Variants in MAF observed in about 807,000 individuals in gnomAD.
The protein encoded by MAF is MAF bZIP transcription factor.
In MAF, 10 loss-of-function variants were observed where a neutral mutation model predicts 22.0. The ratio of observed to expected loss-of-function variants is 0.45; its 90% CI spans 0.28 to 0.77. The LOEUF is 0.77. Among genes scored for constraint, MAF ranks in the 30% least tolerant of loss-of-function variants. MAF has a pLI of 0.12. For missense variants in MAF, 544 were observed against 548.4 expected, an observed-to-expected ratio of 0.99 and a Z score of 0.08; for synonymous variants, 337 against 255.8, an observed-to-expected ratio of 1.32 and a Z score of -3.03.
At chr16:79,576,696 T>A in the MAF span, among the ~76,000 whole-genome samples, 1 of 152,148 alleles carries the variant, frequency 6.6e-6, no homozygotes, top group African/African-American at 2.4e-5. Flanking sequence ...GCTTGCAAGG[T>A]GTCAAGGTCA....
At chr16:79,407,794 C>T in the MAF span, among the ~76,000 whole-genome samples, 1 of 152,078 alleles carries the variant, frequency 6.6e-6, no homozygotes, top group Non-Finnish European at 1.5e-5. Context: ...CCAGTCGAGC[C>T]GCCCCACGAA....
the MAF span, among the ~76,000 whole-genome samples, chr16:79,315,790 G>C: frequency 1.3e-5 from 2 of 152,218 alleles, no homozygotes; most frequent in African/African-American, 4.8e-5. Flanking sequence ...CTACTCCAAA[G>C]CCCAAGTCCC....
the MAF span, among the ~76,000 whole-genome samples, chr16:79,341,673 T>A: frequency 2.6e-5 from 4 of 152,176 alleles, no homozygotes; most frequent in Admixed American, 2.6e-4. Context: ...GCGTCATGAC[T>A]TTATTTACAT....
At chr16:79,592,252 A>C (rs1913231783), downstream of MAF, among the ~76,000 whole-genome samples, 2 of 152,134 alleles carry the variant, frequency 1.3e-5, no homozygotes, top group Non-Finnish European at 2.9e-5. Context: ...GATGCTCCCA[A>C]TTTGTGGCAG....
At chr16:79,463,194 A>G in the MAF span, among the ~76,000 whole-genome samples, 2 of 152,240 alleles carry the variant, frequency 1.3e-5, no homozygotes, top group African/African-American at 2.4e-5. Context: ...GAAAGAAAAG[A>G]GCAAAGCAGA....
At chr16:79,246,443 C>G in the MAF span, among the ~76,000 whole-genome samples, 1 of 149,366 alleles carries the variant, frequency 6.7e-6, no homozygotes, top group Admixed American at 6.8e-5. Context: ...TCTGAAAACA[C>G]AAGGACCCCC....
the MAF span, among the ~76,000 whole-genome samples, chr16:79,507,921 C>T: frequency 6.6e-6 from 1 of 152,062 alleles, no homozygotes; most frequent in Non-Finnish European, 1.5e-5. Context: ...AAGCATTAGA[C>T]TTGGGTTTCA....
the MAF span, chr16:79,212,860 TG>T: frequency 6.6e-6 from 1 of 152,206 alleles, no homozygotes; most frequent in Non-Finnish European, 1.5e-5. Context: ...TGGCTGTCCG[TG>T]GGCCAAGTTG....
the MAF span, among the ~76,000 whole-genome samples, chr16:79,487,048 T>A: frequency 6.6e-6 from 1 of 152,110 alleles, no homozygotes; most frequent in Non-Finnish European, 1.5e-5. Context: ...GGCCTAAAGT[T>A]CCACTCCTTT....
the MAF span, among the ~76,000 whole-genome samples, chr16:79,364,560 C>T: frequency 2.8e-4 from 42 of 152,316 alleles, no homozygotes; most frequent in African/African-American, 7.9e-4. Flanking sequence ...GGACACACAT[C>T]AAACATGGTC....
chr16:79,282,111 G>A, the MAF span, among the ~76,000 whole-genome samples: 1 of 152,072 alleles, frequency 6.6e-6, no homozygotes, highest in Non-Finnish European at 1.5e-5. Context: ...GACCAGCCTG[G>A]ACAAGATGGT....
At chr16:79,568,396 A>G in the MAF span, among the ~76,000 whole-genome samples, 2 of 152,214 alleles carry the variant, frequency 1.3e-5, no homozygotes, top group Non-Finnish European at 2.9e-5. Context: ...TATCTGGAAA[A>G]TGGGAAGGCC....
the MAF span, among the ~76,000 whole-genome samples, chr16:79,485,018 A>G: frequency 1.3e-5 from 2 of 152,222 alleles, no homozygotes; most frequent in African/African-American, 4.8e-5. Flanking sequence ...TTATCTATAA[A>G]AATGGACATC....
At chr16:79,334,670 G>T in the MAF span, among the ~76,000 whole-genome samples, 1 of 152,038 alleles carries the variant, frequency 6.6e-6, no homozygotes, top group Admixed American at 6.5e-5. Flanking sequence ...TCTAAGTGTG[G>T]GGCCCTGCAT....
the MAF span, among the ~76,000 whole-genome samples, chr16:79,415,183 G>C: frequency 7.2e-5 from 11 of 152,078 alleles, no homozygotes; most frequent in East Asian, 2.1e-3. Flanking sequence ...TACACGGGCA[G>C]GACTCTTGTT....
chr16:79,395,741 C>A, the MAF span, among the ~76,000 whole-genome samples: 8 of 152,172 alleles, frequency 5.3e-5, no homozygotes, highest in Admixed American at 5.2e-4. Flanking sequence ...TCTGGTTCCC[C>A]AAGCTGTGCG....
At chr16:79,508,236 G>T in the MAF span, among the ~76,000 whole-genome samples, 1 of 152,142 alleles carries the variant, frequency 6.6e-6, no homozygotes, top group South Asian at 2.1e-4. Flanking sequence ...ACCCAGGGAG[G>T]CCGCGTGGTG....
chr16:79,573,944 C>G, the MAF span, among the ~76,000 whole-genome samples: 4 of 152,264 alleles, frequency 2.6e-5, no homozygotes, highest in African/African-American at 9.6e-5. Flanking sequence ...TCTTATCTCC[C>G]GTTCGTTTGC....
At chr16:79,424,085 G>A in the MAF span, among the ~76,000 whole-genome samples, 2 of 152,112 alleles carry the variant, frequency 1.3e-5, no homozygotes, top group Non-Finnish European at 2.9e-5. Context: ...ACATCAACAC[G>A]CACTGCTAGG....
Sources: gnomAD v4.1 joint callset for allele counts (sites outside exome capture counted in the v4.1 genomes callset) on GRCh38, gnomAD v4.1.1 for gene constraint, MANE v1.5 for transcripts, NCBI Gene and HGNC (gene_info 2026-07-23, HGNC 2026-07-21) for gene names.